The following ITGA2B variants were observed in gnomAD, a reference collection of about 807,000 sequenced individuals.
The protein encoded by ITGA2B is integrin subunit alpha 2b.
In ITGA2B, 91 loss-of-function variants were observed where a neutral mutation model predicts 142.0. The ratio of observed to expected loss-of-function variants is 0.64; its 90% CI spans 0.54 to 0.76. The LOEUF (loss-of-function observed/expected upper bound fraction) is 0.76. Among genes scored for constraint, ITGA2B ranks in the 30% least tolerant of loss-of-function variants. The probability of loss-of-function intolerance (pLI) is 0.00; values close to 1 mark genes in which losing one functional copy is unlikely to be tolerated. For missense variants in ITGA2B, 1,231 were observed against 1,350.8 expected (o/e 0.91, Z 1.39); for synonymous variants, 536 against 567.2 (o/e 0.94, Z 0.78).
chr17:44,389,330 G>A lies in ITGA2B; in HGVS notation c.144C>T (p.Ser48=). The A allele has an allele frequency of 6.2e-7, 1 of 1,614,150 alleles. No homozygotes were observed. Among genetic ancestry groups the A allele is most frequent in the Non-Finnish European group, 8.5e-7 (1 of 1,180,034 alleles). ...QLTFYAGPNG[S]QFGFSLDFHK... ...GGAAGTCCAGTGAAAATCCAAACTGGCTGCCATTGGGGCCTGCATAGAAGG... is the reference window on the plus strand; with the variant it reads ...GGAAGTCCAGTGAAAATCCAAACTGACTGCCATTGGGGCCTGCATAGAAGG... The change falls in exon 1 of 30, where the codon AGC becomes AGT. Residue 48 remains serine, a synonymous_variant. Coordinates refer to ENST00000262407, the MANE Select transcript of ITGA2B (RefSeq NM_000419.5).
In ITGA2B at chr17:44,389,526, C is replaced by T; in HGVS notation, c.-53G>A. On this transcript the variant is annotated 5_prime_UTR_variant, in exon 1 of 30. Transcript: ENST00000262407. Reference sequence around the variant, plus strand: ...GGAATGGGCCAGCTCCTCCTCCTTCCCTTCAGATTCCTCCACAGGAAGTCT... The same window carrying T: ...GGAATGGGCCAGCTCCTCCTCCTTCTCTTCAGATTCCTCCACAGGAAGTCT... 1.3e-6 allele frequency: 2 copies of T among 1,576,672 alleles called. No individual in the cohort carries two copies. Among genetic ancestry groups the T allele is most frequent in the South Asian group, 2.2e-5 (2 of 89,534 alleles).
At chr17:44,374,501 A>G (rs2048522101) in intron 28 of ITGA2B, 31 bp from the exon 29 acceptor site, 2 of 1,593,090 alleles carry the variant, frequency 1.3e-6, no homozygotes, top group Non-Finnish European at 1.7e-6. Flanking sequence ...CTCCTCAGTC[A>G]CCTTGACACC....
chr17:44,380,770 T>C (rs760355222), intron 13 of ITGA2B, 109 bp downstream of exon 13: 9 of 1,579,490 alleles, frequency 5.7e-6, no homozygotes, highest in South Asian at 1.1e-5. Context: ...TGGCAGTCCA[T>C]AGTGGGACAC....
intron 22 of ITGA2B, 62 bp downstream of exon 22, chr17:44,376,947 G>T: frequency 7.5e-7 from 1 of 1,341,814 alleles, no homozygotes; most frequent in Non-Finnish European, 1.0e-6. Flanking sequence ...GGACCTGAGG[G>T]GCTCTGCACG....
chr17:44,384,456 T>A (rs1436152849), intron 8 of ITGA2B, 82 bp downstream of exon 8: 19 of 1,609,286 alleles, frequency 1.2e-5, no homozygotes, highest in South Asian at 1.1e-4. Context: ...TGCAGGAAGA[T>A]TTCCCTACAT....
Position 44,380,049 on chromosome 17 carries a change from C to A in ITGA2B, c.1705G>T (p.Gly569Cys), listed in dbSNP as rs2048580396. The A allele has an allele frequency of 1.5e-5, 24 of 1,613,962 alleles. No homozygotes were observed. Among genetic ancestry groups the A allele is most frequent in the Non-Finnish European group, 2.0e-5 (24 of 1,180,044 alleles). ...TGGCAGATGGGGCTGTGCTTTCCGC[C>A]CAGATCCAGGTTCAGGGTGGTGCCT... The part of the protein sequence containing the change: ...QAGTTLNLDL[G>C]GKHSPICHTT... Residue 569 changes from glycine (G) to cysteine (C), a missense_variant, in exon 17 of 30, where the codon GGC (glycine) becomes TGC (cysteine). Around this residue, in one of 3 missense-constraint regions of ITGA2B, gnomAD observed 908 missense variants for 1,021.1 expected, o/e 0.89. Coordinates refer to ENST00000262407, the MANE Select transcript of ITGA2B (RefSeq NM_000419.5).
At position 44,385,350 on chromosome 17, in the gene ITGA2B, G is replaced by A. The variant is rs2048636363; in HGVS notation, c.575-15C>T. On this transcript the variant is annotated splice_polypyrimidine_tract_variant and intron_variant, in intron 4 of 29. Coordinates refer to ENST00000262407, the MANE Select transcript of ITGA2B (RefSeq NM_000419.5). ...CTTGTCCCAGCCTGCAGGAGACAAG[G>A]AGGAGGGGTCAGCGCAGGGGTGAAG... 6 of 1,608,144 alleles carry A rather than the reference G, an allele frequency of 3.7e-6. No homozygotes were observed. Among genetic ancestry groups the A allele is most frequent in the Non-Finnish European group, 5.1e-6 (6 of 1,179,428 alleles).
At chr17:44,379,961 T>A (rs779232896) in intron 17 of ITGA2B, 41 bp downstream of exon 17, 1 of 1,612,996 alleles carries the variant, frequency 6.2e-7, no homozygotes, top group African/African-American at 1.3e-5. Flanking sequence ...AGTGGGTAAG[T>A]TCTACTCTCC....
At chr17:44,378,599 A>G (rs2048565930) in intron 19 of ITGA2B, 44 bp downstream of exon 19, 1 of 1,586,864 alleles carries the variant, frequency 6.3e-7, no homozygotes, top group African/African-American at 1.3e-5. Flanking sequence ...CAGGTATGAT[A>G]GGCAGAAAGG....
rs949223802 is a variant in ITGA2B at position 44,386,259 on chromosome 17, C to G, written c.189-128G>C. 2.3e-5 allele frequency: 31 copies of G among 1,359,370 alleles called. No individual in the cohort carries two copies. The East Asian group carries it at 7.8e-4, about 34-fold the overall frequency. 84.2% of individuals were successfully genotyped at this position (1,359,370 alleles called of 1,614,324 possible). ...ACTGGACCATCTTTCCTCAATGACA[C>G]CTCACAGACCACCGTGATGTACTTC... On this transcript the variant is annotated intron_variant, in intron 1 of 29. Transcript: ENST00000262407.
intron 22 of ITGA2B, among the ~76,000 whole-genome samples, 155 bp downstream of exon 22, chr17:44,376,854 C>A (rs2048548517): frequency 6.6e-6 from 1 of 152,066 alleles, no homozygotes. Flanking sequence ...CTCCAGTGAT[C>A]CTTCTGCCTT....
chr17:44,382,726 G>T (rs35309519), intron 12 of ITGA2B, among the ~76,000 whole-genome samples: 2,768 of 151,870 alleles, frequency 0.018, 88 homozygotes, highest in African/African-American at 0.064. Flanking sequence ...CCACCTAATT[G>T]TATCTTGCAG....
At chr17:44,388,575 G>A (rs1320278856) in intron 1 of ITGA2B, among the ~76,000 whole-genome samples, 1 of 150,146 alleles carries the variant, frequency 6.7e-6, no homozygotes, top group Admixed American at 6.6e-5. Flanking sequence ...CTGGAGTGCA[G>A]TGGCATGATC....
At chr17:44,373,202 A>G (rs2057655272) in intron 29 of ITGA2B, among the ~76,000 whole-genome samples, 1 of 151,716 alleles carries the variant, frequency 6.6e-6, no homozygotes, top group African/African-American at 2.4e-5. Context: ...CAGTGGCACA[A>G]TCTTGGCTCA....
In ITGA2B at chr17:44,372,189, C is replaced by A; in HGVS notation, c.*175G>T. The A allele has an allele frequency of 1.5e-6, 1 of 660,374 alleles. No individual in the cohort carries two copies. 40.9% of individuals were successfully genotyped at this position (660,374 alleles called of 1,614,324 possible). ...AGGCAGCATGCTCAGCATCAGGGCT[C>A]AGTCTCTTTATTAGGCAGCAGGAGG... On this transcript the variant is annotated 3_prime_UTR_variant, in exon 30 of 30. Coordinates refer to ENST00000262407, the MANE Select transcript of ITGA2B (RefSeq NM_000419.5).
Position 44,380,042 on chromosome 17 carries a change from T to C in ITGA2B, c.1712A>G (p.Lys571Arg), listed in dbSNP as rs2048580300. 1.2e-6 allele frequency: 2 copies of C among 1,613,792 alleles called. No homozygotes were observed. Among genetic ancestry groups the C allele is most frequent in the Admixed American group, 1.7e-5 (1 of 60,002 alleles). ...GGTGGTGTGGCAGATGGGGCTGTGC[T>C]TTCCGCCCAGATCCAGGTTCAGGGT... Reference protein sequence around the residue: ...GTTLNLDLGGKHSPICHTTMA... With the variant: ...GTTLNLDLGGRHSPICHTTMA... The change falls in exon 17 of 30, where the codon AAG becomes AGG. Residue 571 changes from lysine (K) to arginine (R), a missense_variant. By Grantham distance (26) the Lys-to-Arg change is conservative. Coordinates refer to ENST00000262407, the MANE Select transcript of ITGA2B (RefSeq NM_000419.5).
rs749976186 is a variant in ITGA2B, at chr17:44,374,365, C to G, written c.3049G>C (p.Ala1017Pro). 5.0e-6 allele frequency: 8 copies of G among 1,613,914 alleles called. No individual in the cohort carries two copies. The highest frequency in any genetic ancestry group is 5.9e-6 in the Non-Finnish European group (7 of 1,179,930). The change falls in exon 29 of 30, where the codon GCC becomes CCC. Residue 1017 changes from alanine to proline, a missense_variant. Physicochemically the swap from Ala to Pro is conservative, Grantham distance 27. Coordinates refer to ENST00000262407, the MANE Select transcript of ITGA2B (RefSeq NM_000419.5). ...CCTTCACACCTCACCTTCCACATGG[C>G]CAGGACCAGGATGGTGAGCAGCAGC... ...GLLLLTILVL[A>P]MWKVGFFKRN...
At chr17:44,388,244 G>A (rs1403387611) in intron 1 of ITGA2B, among the ~76,000 whole-genome samples, 1 of 151,846 alleles carries the variant, frequency 6.6e-6, no homozygotes, top group Non-Finnish European at 1.5e-5. Flanking sequence ...TATTTATAAT[G>A]TTGATGGAGA....
At chr17:44,389,008 A>G (rs983287226) in intron 1 of ITGA2B, among the ~76,000 whole-genome samples, 10 of 151,898 alleles carry the variant, frequency 6.6e-5, no homozygotes, top group African/African-American at 2.4e-4. Flanking sequence ...TGGTTCATAC[A>G]ACTGACCCTT....
Sources: allele counts gnomAD v4.1 joint callset (sites outside exome capture counted in the v4.1 genomes callset), GRCh38; gene constraint gnomAD v4.1.1; regional missense constraint gnomAD v4.1.1; transcripts MANE v1.5; gene names NCBI Gene and HGNC (gene_info 2026-07-23, HGNC 2026-07-21).